Variants in GBF1 observed in about 807,000 individuals in gnomAD.
The protein encoded by GBF1 is golgi brefeldin A resistant guanine nucleotide exchange factor 1, also known as Golgi-specific brefeldin A-resistance guanine nucleotide exchange factor 1.
GBF1 carries 114 observed loss-of-function variants against 210.5 expected under a neutral mutation model. The observed-to-expected ratio is 0.54, with a 90% confidence interval of 0.47 to 0.63. The LOEUF is 0.63. GBF1 is among the 30% of genes least tolerant of loss of function. GBF1 has a pLI of 0.00. For missense variants in GBF1, 1,851 were observed against 2,357.7 expected, an observed-to-expected ratio of 0.79 and a Z score of 4.45; for synonymous variants, 850 against 889.2, an observed-to-expected ratio of 0.96 and a Z score of 0.78.
At chr10:102,342,001 A>T (rs980572376) in intron 3 of GBF1, among the ~76,000 whole-genome samples, 12 of 152,084 alleles carry the variant, frequency 7.9e-5, no homozygotes, top group African/African-American at 2.9e-4. Flanking sequence ...ATGCTCCTAA[A>T]GCAGCAAGAC....
chr10:102,377,212 G>C, intron 33 of GBF1, 72 bp downstream of exon 33: 1 of 1,304,552 alleles, frequency 7.7e-7, no homozygotes, highest in Non-Finnish European at 1.1e-6. Context: ...GCCAGGGAAA[G>C]CCAGGGCTGA....
intron 3 of GBF1, among the ~76,000 whole-genome samples, chr10:102,335,383 G>A (rs75275052): frequency 0.01 from 1,563 of 152,282 alleles, 22 homozygotes; most frequent in African/African-American, 0.036. Flanking sequence ...TGGCTGGGGT[G>A]TCAGATGTCT....
intron 24 of GBF1, 112 bp from the exon 25 acceptor site, chr10:102,369,599 A>G (rs2135203083): frequency 1.9e-6 from 2 of 1,040,086 alleles, no homozygotes; most frequent in Non-Finnish European, 2.9e-6. Context: ...AATTGGCACA[A>G]TAGCATAGGG....
intron 3 of GBF1, among the ~76,000 whole-genome samples, chr10:102,303,841 A>T (rs1286516898): frequency 6.6e-6 from 1 of 152,172 alleles, no homozygotes; most frequent in Non-Finnish European, 1.5e-5. Context: ...AGCTATTCTT[A>T]TCTGAATGTT....
intron 3 of GBF1, among the ~76,000 whole-genome samples, chr10:102,293,851 C>T (rs1439448126): frequency 7.5e-6 from 1 of 132,790 alleles, no homozygotes; most frequent in Non-Finnish European, 1.5e-5. Context: ...GATCTCTGCT[C>T]ACTGCAAGCT....
intron 3 of GBF1, among the ~76,000 whole-genome samples, chr10:102,296,607 TG>T (rs1177885341): frequency 6.6e-6 from 1 of 152,150 alleles, no homozygotes; most frequent in African/African-American, 2.4e-5. Flanking sequence ...CCGGGCTTAG[TG>T]GCGGATGCCT....
At position 102,362,567 on chromosome 10, in the gene GBF1, C is replaced by T. The variant is rs771631662; in HGVS notation, c.1779C>T (p.Cys593=). 3.1e-6 allele frequency: 5 copies of T among 1,613,878 alleles called. No individual in the cohort carries two copies. In the African/African-American group the frequency reaches 6.7e-5, roughly 22 times the overall value. The stretch of plus-strand genomic sequence containing the variant: ...TGATTGACAGCACCGAGGCCCACTG[C>T]CAGGCTAAAGTCCTCAACAGCCTCA... The part of the protein sequence containing the change: ...LTVIDSTEAH[C]QAKVLNSLTQ... Residue 593 remains cysteine (C), a synonymous_variant, in exon 15 of 40, where the codon TGC becomes TGT. Transcript: ENST00000369983.
intron 4 of GBF1, among the ~76,000 whole-genome samples, chr10:102,350,805 C>T (rs1402125141): frequency 1.3e-5 from 2 of 151,956 alleles, no homozygotes; most frequent in East Asian, 1.9e-4. Context: ...GTTATGGGGC[C>T]GGGTGCAGTG....
intron 3 of GBF1, among the ~76,000 whole-genome samples, chr10:102,338,211 C>T (rs990068144): frequency 1.3e-5 from 2 of 150,426 alleles, no homozygotes; most frequent in Admixed American, 1.3e-4. Flanking sequence ...CATATCTTAG[C>T]AGTCATAGAT....
At chr10:102,357,939 TAGCTTG>T (rs1459455218) in intron 8 of GBF1, 94 bp from the exon 9 acceptor site, 2 of 800,542 alleles carry the variant, frequency 2.5e-6, no homozygotes, top group Non-Finnish European at 4.3e-6. Context: ...ATATGGGGTA[TAGCTTG>T]TTTTCTAGAG....
chr10:102,351,038 G>C (rs907347409), intron 4 of GBF1, among the ~76,000 whole-genome samples: 6 of 148,510 alleles, frequency 4.0e-5, no homozygotes, highest in Non-Finnish European at 7.4e-5. Context: ...AGTAAGCTGA[G>C]ATCACGTCAT....
chr10:102,348,757 C>G (rs1477944134), intron 4 of GBF1, among the ~76,000 whole-genome samples: 3 of 152,146 alleles, frequency 2.0e-5, no homozygotes. Flanking sequence ...GTAAATAGGA[C>G]AAAGAAAGTC....
intron 3 of GBF1, among the ~76,000 whole-genome samples, chr10:102,314,760 G>A (rs967487632): frequency 3.3e-5 from 5 of 152,104 alleles, no homozygotes; most frequent in African/African-American, 4.8e-5. Context: ...GATGTTTATC[G>A]TTTCCCTTTC....
intron 3 of GBF1, among the ~76,000 whole-genome samples, chr10:102,279,598 C>T (rs2075302546): frequency 6.6e-6 from 1 of 151,642 alleles, no homozygotes; most frequent in African/African-American, 2.4e-5. Flanking sequence ...TCATTTTTTT[C>T]TTTCCTTCCC....
rs752236056 is a variant in GBF1 at position 102,367,571 on chromosome 10, A to G, written c.2642+11A>G. 7 of 1,391,962 alleles carry G rather than the reference A, an allele frequency of 5.0e-6. No homozygotes were observed. In the African/African-American group the frequency reaches 5.7e-5, roughly 11 times the overall value. The allele number at this position is 1,391,962 out of a possible 1,614,324, so 86.2% of individuals were successfully genotyped here. ...GTACCATGCCATCAAGTGAGTATACATAGAGAATAGTGCAGTATCTCTGTT... is the reference window on the plus strand; with the variant it reads ...GTACCATGCCATCAAGTGAGTATACGTAGAGAATAGTGCAGTATCTCTGTT... On this transcript the variant is annotated intron_variant, in intron 21 of 39. Coordinates refer to ENST00000369983, the MANE Select transcript of GBF1 (RefSeq NM_001377137.1).
At chr10:102,370,026 T>G in intron 26 of GBF1, 42 bp downstream of exon 26, 1 of 1,607,928 alleles carries the variant, frequency 6.2e-7, no homozygotes, top group Middle Eastern at 1.7e-4. Context: ...CTAAACACCT[T>G]CCTATTAGAT....
intron 12 of GBF1, 50 bp downstream of exon 12, chr10:102,360,445 G>A: frequency 8.2e-7 from 1 of 1,221,688 alleles, no homozygotes; most frequent in South Asian, 1.2e-5. Flanking sequence ...AGGGCCAGGG[G>A]AACACAGGGA....
In GBF1 at chr10:102,380,664, C is replaced by T. The variant is rs771928515; in HGVS notation, c.5151C>T (p.Leu1717=). The change falls in exon 38 of 40, where the codon CTC becomes CTT. Residue 1717 remains leucine, a synonymous_variant. Coordinates refer to ENST00000369983, the MANE Select transcript of GBF1 (RefSeq NM_001377137.1). ...DCFLPHLRDE[L]FKQTVIQDPM... is the part of the protein sequence containing the mutation. ...TTCTCCCTCACCTACGAGATGAACT[C>T]TTCAAGCAGACCGTCATCCAGGGTA... The T allele has an allele frequency of 6.2e-7, 1 of 1,612,094 alleles. No individual in the cohort carries two copies. The highest frequency in any genetic ancestry group is 8.5e-7 in the Non-Finnish European group (1 of 1,178,862).
intron 4 of GBF1, 76 bp downstream of exon 4, chr10:102,344,258 A>G (rs1565135600): frequency 1.0e-5 from 14 of 1,393,890 alleles, no homozygotes; most frequent in Non-Finnish European, 1.3e-5. Context: ...GCCTTAGGCA[A>G]TGAGCTGGTG....
Sources: gnomAD v4.1 joint callset for allele counts (sites outside exome capture counted in the v4.1 genomes callset) on GRCh38, gnomAD v4.1.1 for gene constraint, MANE v1.5 for transcripts, NCBI Gene and HGNC (gene_info 2026-07-23, HGNC 2026-07-21) for gene names.